The following RBFOX1 variants were observed in gnomAD, a reference collection of about 807,000 sequenced individuals.
The protein encoded by RBFOX1 is RNA binding protein fox-1 homolog 1.
RBFOX1 carries 8 observed loss-of-function variants against 57.7 expected under a neutral mutation model. That is an observed-to-expected ratio of 0.14 (90% confidence interval 0.08 to 0.25). The LOEUF is 0.25. Ranked by LOEUF, RBFOX1 falls within the 10% of genes least tolerant of loss-of-function variation. The pLI, the probability that RBFOX1 is intolerant of heterozygous loss-of-function variation, is 1.00. For synonymous variants in RBFOX1, 326 were observed against 222.4 expected, an observed-to-expected ratio of 1.47 and a Z score of -4.15; for missense variants, 611 against 548.5, an observed-to-expected ratio of 1.11 and a Z score of -1.14.
At chr16:7,587,833 T>C (rs543694894) in intron 7 of RBFOX1, among the ~76,000 whole-genome samples, 1 of 152,200 alleles carries the variant, frequency 6.6e-6, no homozygotes, top group African/African-American at 2.4e-5. Context: ...GATTCCCTAG[T>C]GCTAATAAAA....
At chr16:7,574,500 G>T (rs905033252) in intron 5 of RBFOX1, among the ~76,000 whole-genome samples, 8 of 152,130 alleles carry the variant, frequency 5.3e-5, no homozygotes, top group African/African-American at 1.9e-4. Flanking sequence ...TGTGGTCGAA[G>T]GTCCAAGAGT....
intron 3 of RBFOX1, among the ~76,000 whole-genome samples, chr16:6,860,429 A>C (rs1001104678): frequency 6.6e-6 from 1 of 152,212 alleles, no homozygotes; most frequent in African/African-American, 2.4e-5. Flanking sequence ...ACGTTGGCTA[A>C]GACGCGGGGG....
intron 4 of RBFOX1, among the ~76,000 whole-genome samples, chr16:7,276,740 C>T (rs920016570): frequency 9.2e-5 from 14 of 152,134 alleles, no homozygotes; most frequent in Admixed American, 7.2e-4. Flanking sequence ...CACCTTTGTT[C>T]CCACCTACGT....
intron 14 of RBFOX1, among the ~76,000 whole-genome samples, chr16:7,692,231 C>G (rs550391768): frequency 2.0e-5 from 3 of 152,226 alleles, no homozygotes; most frequent in South Asian, 2.1e-4. Context: ...ATATTATTCT[C>G]AAAGCATGTA....
intron 1 of RBFOX1, chr16:5,365,855 G>T (rs1567394720): frequency 1.9e-6 from 1 of 514,500 alleles, no homozygotes; most frequent in East Asian, 5.4e-5. Context: ...GTCTTTTCGG[G>T]TGTGAACTCA....
rs1596889518 is a variant in RBFOX1, at chr16:5,710,740, T to G, written c.318+111779T>G. Among the ~76,000 whole-genome samples the G allele has an allele frequency of 2.0e-5, 3 of 152,288 alleles. No individual in the cohort carries two copies. In the East Asian group the frequency reaches 5.8e-4, roughly 29 times the overall value. Reference sequence around the variant, plus strand: ...GTGGTCCGGAACATCTGAAGCAACATGGAGCCTATTACCGGCTCTGTGTCC... The same window carrying G: ...GTGGTCCGGAACATCTGAAGCAACAGGGAGCCTATTACCGGCTCTGTGTCC... On this transcript the variant is annotated intron_variant, in intron 3 of 19. Coordinates refer to the RBFOX1 transcript ENST00000641259.
chr16:6,728,669 A>G (rs950960608), intron 3 of RBFOX1, among the ~76,000 whole-genome samples: 7 of 152,200 alleles, frequency 4.6e-5, no homozygotes, highest in African/African-American at 1.7e-4. Flanking sequence ...AATAATTCAA[A>G]TAGCAATAAA....
intron 1 of RBFOX1, among the ~76,000 whole-genome samples, chr16:6,194,966 C>T (rs531455063): frequency 6.6e-6 from 1 of 152,272 alleles, no homozygotes; most frequent in East Asian, 1.9e-4. Flanking sequence ...ATTTAACTTA[C>T]TCTGTGATGA....
At chr16:7,094,766 G>GTT (rs2061418754) in intron 4 of RBFOX1, among the ~76,000 whole-genome samples, 1 of 141,124 alleles carries the variant, frequency 7.1e-6, no homozygotes, top group Admixed American at 7.2e-5. Flanking sequence ...GTGTGTGTGT[G>GTT]TGTGTGTGTG....
chr16:6,081,857 C>G (rs1443291986), intron 1 of RBFOX1, among the ~76,000 whole-genome samples: 1 of 152,106 alleles, frequency 6.6e-6, no homozygotes, highest in Non-Finnish European at 1.5e-5. Context: ...AGTCCTAGTC[C>G]TTGTAATTGA....
chr16:5,569,358 C>T (rs183139666), intron 2 of RBFOX1, among the ~76,000 whole-genome samples: 56 of 148,486 alleles, frequency 3.8e-4, no homozygotes, highest in African/African-American at 1.1e-3. Flanking sequence ...CACTGGCTAA[C>T]GCTCTGATTA....
rs113886981 is a variant in RBFOX1 at position 7,625,698 on chromosome 16, C to A, written c.677-4905C>A. On this transcript the variant is annotated intron_variant, in intron 10 of 15. Transcript: ENST00000550418. ...ATTCAGAAATTATGTAGGAAAAGTT[C>A]TAGTTATTCACCATGTACTGACTTG... Among the ~76,000 whole-genome samples the A allele has an allele frequency of 1.4e-3, 209 of 152,244 alleles. 3 individuals carry two copies. The highest frequency in any genetic ancestry group is 4.7e-3 in the African/African-American group (195 of 41,562).
intron 3 of RBFOX1, among the ~76,000 whole-genome samples, chr16:6,736,404 C>G (rs959681916): frequency 5.9e-5 from 9 of 152,090 alleles, no homozygotes; most frequent in Non-Finnish European, 1.2e-4. Context: ...GAGAAAATAT[C>G]ATGTTTGGTT....
At chr16:6,623,296 A>C (rs2098259750) in intron 2 of RBFOX1, among the ~76,000 whole-genome samples, 1 of 152,178 alleles carries the variant, frequency 6.6e-6, no homozygotes, top group South Asian at 2.1e-4. Context: ...AGTTGGGCTT[A>C]GCTGTTTCAG....
intron 3 of RBFOX1, among the ~76,000 whole-genome samples, chr16:6,721,595 C>G (rs1194954336): frequency 6.6e-6 from 1 of 152,180 alleles, no homozygotes; most frequent in Non-Finnish European, 1.5e-5. Flanking sequence ...TCCCCATTCT[C>G]CTTACCCTCC....
chr16:7,165,387 G>GTAATAATAATAATAATAATAA (rs142157694), intron 4 of RBFOX1, among the ~76,000 whole-genome samples: 4,864 of 141,124 alleles, frequency 0.034, 157 homozygotes, highest in African/African-American at 0.063. Flanking sequence ...TAACTCTTCT[G>GTAATAATAATAATAATAATAA]TAATAATAAT....
rs142692005 is a variant in RBFOX1, at chr16:6,862,788, C to T, written c.-15-189269C>T. Among the ~76,000 whole-genome samples, 19 of 152,204 alleles carry T rather than the reference C, an allele frequency of 1.2e-4. 1 individual carries two copies. The East Asian group carries it at 3.5e-3, about 28-fold the overall frequency. The stretch of plus-strand genomic sequence containing the variant: ...TCACCTGAGGTCAGGAGTTGAAGAT[C>T]AGCCTGGCCAAAATGGTGAAACCTC... On this transcript the variant is annotated intron_variant, in intron 3 of 15. Transcript: ENST00000550418.
intron 3 of RBFOX1, among the ~76,000 whole-genome samples, chr16:5,820,031 G>A (rs574531773): frequency 6.6e-6 from 1 of 152,310 alleles, no homozygotes; most frequent in Admixed American, 6.5e-5. Context: ...TGATGTCTTT[G>A]TCTTCAGGTG....
At chr16:5,506,621 C>T (rs1597339976) in intron 2 of RBFOX1, among the ~76,000 whole-genome samples, 2 of 152,276 alleles carry the variant, frequency 1.3e-5, no homozygotes, top group East Asian at 1.9e-4. Context: ...ATTAATCACC[C>T]CAGGCAGTGG....
Sources: gnomAD v4.1 joint callset for allele counts (sites outside exome capture counted in the v4.1 genomes callset) on GRCh38, gnomAD v4.1.1 for gene constraint, MANE v1.5 for transcripts, NCBI Gene and HGNC (gene_info 2026-07-23, HGNC 2026-07-21) for gene names.